Variants in SUMF1 observed in about 807,000 individuals in gnomAD.
SUMF1 encodes the protein formylglycine-generating enzyme.
Under a neutral mutation model 47.6 loss-of-function variants are expected in SUMF1, and 48 were observed. The ratio of observed to expected loss-of-function variants is 1.01; its 90% CI spans 0.80 to 1.28. The LOEUF (loss-of-function observed/expected upper bound fraction) is 1.28, where lower values mean the gene tolerates loss of function less well. Ranked by LOEUF, SUMF1 falls within the 50% of genes most tolerant of loss-of-function variation. SUMF1 has a pLI of 0.00. For missense variants in SUMF1, 571 were observed against 485.4 expected (o/e 1.18, Z -1.66); for synonymous variants, 230 against 192.1 (o/e 1.20, Z -1.63).
intron 8 of SUMF1, among the ~76,000 whole-genome samples, chr3:4,102,922 CTT>C (rs59784747): frequency 4.9e-5 from 7 of 143,360 alleles, no homozygotes; most frequent in Admixed American, 6.9e-5. Context: ...ACAGAAACTT[CTT>C]TTTTTTTTTT....
intron 8 of SUMF1, among the ~76,000 whole-genome samples, chr3:4,228,604 G>T (rs1218362135): frequency 6.6e-6 from 1 of 151,980 alleles, no homozygotes; most frequent in Non-Finnish European, 1.5e-5. Flanking sequence ...GGAATTTAAG[G>T]GTGATAGAAA....
chr3:4,340,105 G>GCA (rs143927076), intron 8 of SUMF1, among the ~76,000 whole-genome samples: 23,693 of 150,586 alleles, frequency 0.16, 1,880 homozygotes, highest in Middle Eastern at 0.24. Context: ...GCACCAATGT[G>GCA]CACACACACA....
intron 8 of SUMF1, among the ~76,000 whole-genome samples, chr3:4,139,589 TAC>T (rs946434703): frequency 5.7e-4 from 85 of 150,434 alleles, no homozygotes; most frequent in Middle Eastern, 6.9e-3. Flanking sequence ...TGTATATATA[TAC>T]ACACACACAC....
intron 9 of SUMF1, among the ~76,000 whole-genome samples, chr3:4,068,227 AG>A (rs1412248135): frequency 1.3e-5 from 2 of 152,184 alleles, no homozygotes; most frequent in Non-Finnish European, 2.9e-5. Flanking sequence ...ATGATGAGCA[AG>A]GAATTCAAAG....
chr3:4,320,663 T>C (rs1253284518), intron 8 of SUMF1, among the ~76,000 whole-genome samples: 1 of 152,180 alleles, frequency 6.6e-6, no homozygotes, highest in Non-Finnish European at 1.5e-5. Flanking sequence ...GTTTAGGAGT[T>C]TTTTATTGCT....
chr3:4,292,050 G>C (rs1697752711), intron 8 of SUMF1, among the ~76,000 whole-genome samples: 1 of 152,088 alleles, frequency 6.6e-6, no homozygotes, highest in African/African-American at 2.4e-5. Context: ...ACCAAAGATT[G>C]AAACAACTAA....
At chr3:4,064,240 A>G (rs905800935) in intron 9 of SUMF1, among the ~76,000 whole-genome samples, 4 of 114,362 alleles carry the variant, frequency 3.5e-5, no homozygotes, top group African/African-American at 1.0e-4. Context: ...ACCAAAACTC[A>G]CCAAAACCAA....
chr3:4,253,941 GT>G (rs1696876923), intron 8 of SUMF1, among the ~76,000 whole-genome samples: 1 of 150,500 alleles, frequency 6.6e-6, no homozygotes, highest in Admixed American at 6.6e-5. Context: ...GCCTCCTCAA[GT>G]GGGTCCCTGA....
At chr3:4,275,184 T>C (rs1025023684) in intron 8 of SUMF1, among the ~76,000 whole-genome samples, 10 of 152,214 alleles carry the variant, frequency 6.6e-5, no homozygotes, top group African/African-American at 9.6e-5. Context: ...CTGATCGTGG[T>C]AGAATAATAG....
chr3:4,280,914 T>C (rs911042851), intron 8 of SUMF1, among the ~76,000 whole-genome samples: 3 of 151,716 alleles, frequency 2.0e-5, no homozygotes, highest in Admixed American at 6.6e-5. Flanking sequence ...CACAGTCATG[T>C]TGGATTAGGG....
At chr3:4,151,556 TACACAC>T (rs35911373) in intron 8 of SUMF1, among the ~76,000 whole-genome samples, 1,465 of 137,246 alleles carry the variant, frequency 0.011, 68 homozygotes, top group African/African-American at 0.038. Flanking sequence ...TGTGTGTATA[TACACAC>T]ACACACACAC....
chr3:4,212,123 T>C (rs777730305), intron 8 of SUMF1, among the ~76,000 whole-genome samples: 1 of 152,188 alleles, frequency 6.6e-6, no homozygotes, highest in Non-Finnish European at 1.5e-5. Flanking sequence ...GACCGCCGTG[T>C]ATCCTGACTG....
intron 3 of SUMF1, among the ~76,000 whole-genome samples, chr3:4,425,893 A>G (rs1033539666): frequency 9.2e-5 from 14 of 152,236 alleles, no homozygotes; most frequent in Admixed American, 2.6e-4. Flanking sequence ...AGCAGGCAAG[A>G]GGGCAAGAGA....
Position 4,268,951 on chromosome 3 carries a change from C to CAT in SUMF1, c.1014+107378_1014+107379insAT, listed in dbSNP as rs1697252592. 6.4e-4 allele frequency among the ~76,000 whole-genome samples: 97 copies of CAT among 151,774 alleles called. 2 individuals are homozygous for CAT. Among genetic ancestry groups the CAT allele is most frequent in the Admixed American group, 6.4e-3 (97 of 15,214 alleles). On this transcript the variant is annotated intron_variant and NMD_transcript_variant, in intron 8 of 12. Coordinates refer to the SUMF1 transcript ENST00000448413. ...TTAAGTTGCAAATCATAGCATGCTC[C>CAT]GGTAGTATAAGGAAACTGTTCATAG...
intron 8 of SUMF1, among the ~76,000 whole-genome samples, chr3:4,152,005 T>C (rs1376694448): frequency 6.6e-6 from 1 of 151,612 alleles, no homozygotes; most frequent in Non-Finnish European, 1.5e-5. Flanking sequence ...AGTTCAAGTA[T>C]TAATATGATG....
intron 8 of SUMF1, among the ~76,000 whole-genome samples, chr3:4,296,448 G>A (rs1343820810): frequency 7.6e-6 from 1 of 132,028 alleles, no homozygotes; most frequent in Non-Finnish European, 1.7e-5. Context: ...TAAAGGAAAA[G>A]AGGTTTAATG....
intron 3 of SUMF1, among the ~76,000 whole-genome samples, chr3:4,445,077 T>C (rs1030489110): frequency 3.3e-5 from 5 of 152,224 alleles, no homozygotes; most frequent in African/African-American, 1.2e-4. Flanking sequence ...CTTTTAGGGC[T>C]GATAGATATG....
Position 4,455,150 on chromosome 3 carries a change from C to T in SUMF1, c.271-2101G>A, listed in dbSNP as rs1010854155. 4.6e-5 allele frequency among the ~76,000 whole-genome samples: 7 copies of T among 152,294 alleles called. No homozygotes were observed. The South Asian group carries it at 1.4e-3, about 32-fold the overall frequency. On this transcript the variant is annotated intron_variant, in intron 1 of 8. Coordinates refer to ENST00000272902, the MANE Select transcript of SUMF1 (RefSeq NM_182760.4). ...GTCAGAAATACACTCTTTACAGACA[C>T]AATGTCTTATTTTCAAATCATTTGA...
At chr3:4,323,880 C>T (rs577807383) in intron 8 of SUMF1, among the ~76,000 whole-genome samples, 2 of 152,262 alleles carry the variant, frequency 1.3e-5, no homozygotes, top group Admixed American at 6.5e-5. Flanking sequence ...ATTAACCTGA[C>T]AGCTCTTCCT....
Sources: gnomAD v4.1 joint callset for allele counts (sites outside exome capture counted in the v4.1 genomes callset) on GRCh38, gnomAD v4.1.1 for gene constraint, MANE v1.5 for transcripts, NCBI Gene and HGNC (gene_info 2026-07-23, HGNC 2026-07-21) for gene names.